Variants in MARCHF1 observed in about 807,000 individuals in gnomAD.
MARCHF1 encodes membrane associated ring-CH-type finger 1, also known as E3 ubiquitin-protein ligase MARCHF1.
In MARCHF1, 40 loss-of-function variants were observed where a neutral mutation model predicts 54.2. That is an observed-to-expected ratio of 0.74 (90% CI 0.57 to 0.96). The LOEUF (loss-of-function observed/expected upper bound fraction) is 0.96. Among genes scored for constraint, MARCHF1 ranks in the 40% least tolerant of loss-of-function variants. MARCHF1 has a pLI of 0.00. For synonymous variants in MARCHF1, 236 were observed against 236.3 expected (o/e 1.00, Z 0.01); for missense variants, 586 against 656.5 (o/e 0.89, Z 1.17).
intron 3 of MARCHF1, among the ~76,000 whole-genome samples, chr4:163,889,657 T>C (rs919249686): frequency 1.4e-4 from 21 of 152,200 alleles, no homozygotes; most frequent in African/African-American, 4.6e-4. Flanking sequence ...CCTGCTTAAG[T>C]GGTTTGCTCT....
intron 2 of MARCHF1, among the ~76,000 whole-genome samples, chr4:164,013,514 G>C (rs1213475945): frequency 6.6e-6 from 1 of 152,078 alleles, no homozygotes; most frequent in African/African-American, 2.4e-5. Flanking sequence ...ACTTGGGAAA[G>C]ATATGAGTAG....
chr4:163,853,017 C>A (rs1489471242), intron 4 of MARCHF1, among the ~76,000 whole-genome samples: 1 of 152,082 alleles, frequency 6.6e-6, no homozygotes, highest in Non-Finnish European at 1.5e-5. Context: ...ATCAGAAAAG[C>A]AGGCCCTCAC....
At chr4:163,855,971 A>T (rs1474432522) in intron 3 of MARCHF1, among the ~76,000 whole-genome samples, 1 of 152,212 alleles carries the variant, frequency 6.6e-6, no homozygotes, top group Non-Finnish European at 1.5e-5. Flanking sequence ...GGTTCAGTGC[A>T]TCGATCTATT....
chr4:163,997,270 G>A lies in MARCHF1; in HGVS notation c.-247-8561C>T, dbSNP rs914129309. On this transcript the variant is annotated intron_variant, in intron 2 of 9. Transcript: ENST00000514618. ...TACAGGGGGCTTGAAGGAGCTGTTTGAGGCTAAAAAACAGTATGGGAGCAG... is the reference window on the plus strand; with the variant it reads ...TACAGGGGGCTTGAAGGAGCTGTTTAAGGCTAAAAAACAGTATGGGAGCAG... 3.3e-5 allele frequency among the ~76,000 whole-genome samples: 5 copies of A among 152,018 alleles called. No homozygotes were observed. In the South Asian group the frequency reaches 8.3e-4, roughly 25 times the overall value.
intron 4 of MARCHF1, among the ~76,000 whole-genome samples, chr4:163,767,675 G>A (rs528726087): frequency 1.8e-4 from 27 of 152,108 alleles, no homozygotes; most frequent in Non-Finnish European, 3.7e-4. Context: ...CAAAGTTGAT[G>A]CTGGCTTTTT....
intron 4 of MARCHF1, among the ~76,000 whole-genome samples, chr4:163,807,675 A>G (rs1748263842): frequency 1.3e-5 from 2 of 152,274 alleles, no homozygotes; most frequent in African/African-American, 4.8e-5. Flanking sequence ...GTTTCAATGT[A>G]AAGAAGAAAA....
intron 8 of MARCHF1, among the ~76,000 whole-genome samples, chr4:163,550,185 G>A (rs574973360): frequency 8.5e-4 from 129 of 151,668 alleles, no homozygotes; most frequent in African/African-American, 2.9e-3. Context: ...GGAAGGCTGA[G>A]GCAAGAGAAT....
chr4:164,283,557 G>A (rs1404310492), intron 1 of MARCHF1, among the ~76,000 whole-genome samples: 3 of 150,994 alleles, frequency 2.0e-5, no homozygotes, highest in African/African-American at 7.3e-5. Context: ...AATCCCCTTT[G>A]AGACATTTTG....
At chr4:164,252,453 T>C (rs1308024027) in intron 1 of MARCHF1, among the ~76,000 whole-genome samples, 3 of 152,174 alleles carry the variant, frequency 2.0e-5, no homozygotes, top group Non-Finnish European at 4.4e-5. Context: ...CCCTGGAAGC[T>C]GCTTCCCAAT....
intron 4 of MARCHF1, among the ~76,000 whole-genome samples, chr4:163,827,962 T>A (rs1748899323): frequency 6.6e-6 from 1 of 151,230 alleles, no homozygotes; most frequent in African/African-American, 2.4e-5. Flanking sequence ...TTCAGTTGAT[T>A]TAAGATGACG....
intron 1 of MARCHF1, among the ~76,000 whole-genome samples, chr4:164,209,014 T>C (rs1404449291): frequency 2.7e-5 from 4 of 149,980 alleles, no homozygotes; most frequent in Admixed American, 6.7e-5. Context: ...TATACACACA[T>C]ACATATTTAT....
chr4:164,056,188 C>T (rs975154795), intron 2 of MARCHF1, among the ~76,000 whole-genome samples: 2 of 152,140 alleles, frequency 1.3e-5, no homozygotes, highest in Non-Finnish European at 2.9e-5. Context: ...TAACCAGCAC[C>T]TACATCTATT....
intron 1 of MARCHF1, among the ~76,000 whole-genome samples, chr4:164,165,795 T>G (rs79376526): frequency 6.6e-6 from 1 of 151,962 alleles, no homozygotes; most frequent in East Asian, 1.9e-4. Context: ...TTTTTTAAGA[T>G]TATAATTTAA....
intron 4 of MARCHF1, among the ~76,000 whole-genome samples, chr4:163,834,158 A>G (rs1749110613): frequency 6.6e-6 from 1 of 152,186 alleles, no homozygotes; most frequent in African/African-American, 2.4e-5. Flanking sequence ...TCAGCACCTG[A>G]GCTAATTTCA....
At chr4:163,742,093 G>T (rs188252720) in intron 4 of MARCHF1, among the ~76,000 whole-genome samples, 29 of 152,146 alleles carry the variant, frequency 1.9e-4, no homozygotes, top group African/African-American at 6.0e-4. Context: ...AGGCACATTG[G>T]GGGGTGTGTC....
chr4:163,589,571 A>G (rs1740518099), intron 7 of MARCHF1, among the ~76,000 whole-genome samples: 1 of 152,132 alleles, frequency 6.6e-6, no homozygotes, highest in South Asian at 2.1e-4. Flanking sequence ...TATCTACTAG[A>G]AATAAAAAAT....
chr4:164,380,669 C>CA (rs1731339712), intron 1 of MARCHF1, among the ~76,000 whole-genome samples: 1 of 152,166 alleles, frequency 6.6e-6, no homozygotes, highest in South Asian at 2.1e-4. Context: ...ACATTAACAG[C>CA]ATTATTTTAA....
chr4:163,880,968 C>T (rs1008438500), intron 3 of MARCHF1, among the ~76,000 whole-genome samples: 1 of 152,068 alleles, frequency 6.6e-6, no homozygotes, highest in Non-Finnish European at 1.5e-5. Flanking sequence ...AGGGAATCAC[C>T]TAAGGAAGAC....
At chr4:164,176,945 T>A (rs567136195) in intron 1 of MARCHF1, among the ~76,000 whole-genome samples, 5 of 14,716 alleles carry the variant, frequency 3.4e-4, no homozygotes, top group African/African-American at 1.2e-3. Flanking sequence ...TTGTGCGCTC[T>A]CTCTCTCTCT....
Sources: allele counts gnomAD v4.1 joint callset (sites outside exome capture counted in the v4.1 genomes callset), GRCh38; gene constraint gnomAD v4.1.1; transcripts MANE v1.5; gene names NCBI Gene and HGNC (gene_info 2026-07-23, HGNC 2026-07-21).